The following KBTBD2 variants were observed in gnomAD, a reference collection of about 807,000 sequenced individuals.
The protein encoded by KBTBD2 is kelch repeat and BTB domain containing 2.
Under a neutral mutation model 57.1 loss-of-function variants are expected in KBTBD2, and 17 were observed. The ratio of observed to expected loss-of-function variants is 0.30; its 90% CI spans 0.20 to 0.45. The LOEUF (loss-of-function observed/expected upper bound fraction) is 0.45. KBTBD2 is among the 20% of genes least tolerant of loss of function. The probability of loss-of-function intolerance (pLI) is 1.00; values close to 1 mark genes in which losing one functional copy is unlikely to be tolerated. For synonymous variants in KBTBD2, 267 were observed against 262.7 expected, an observed-to-expected ratio of 1.02 and a Z score of -0.16; for missense variants, 515 against 750.6, an observed-to-expected ratio of 0.69 and a Z score of 3.67.
chr7:32,882,748 C>T (rs1039347669), intron 1 of KBTBD2, among the ~76,000 whole-genome samples: 1 of 152,142 alleles, frequency 6.6e-6, no homozygotes, highest in African/African-American at 2.4e-5. Context: ...CTTTGGGAGG[C>T]TGAGGTCGGT....
In KBTBD2 at chr7:32,872,719, T is replaced by C. The variant is rs577765539; in HGVS notation, c.337-1839A>G. On this transcript the variant is annotated intron_variant, in intron 3 of 3. Coordinates refer to ENST00000304056, the MANE Select transcript of KBTBD2 (RefSeq NM_015483.3). ...TAATTCAAAAATTCAAAATCCAAAA[T>C]GCTCCAAAAACTGAAATGTTTTGAG... Among the ~76,000 whole-genome samples the C allele has an allele frequency of 1.0e-3, 158 of 152,246 alleles. 3 individuals are homozygous for C. Among genetic ancestry groups the C allele is most frequent in the Non-Finnish European group, 4.9e-4 (33 of 68,008 alleles).
intron 1 of KBTBD2, among the ~76,000 whole-genome samples, chr7:32,883,569 C>T (rs923530172): frequency 3.3e-5 from 5 of 152,110 alleles, no homozygotes; most frequent in South Asian, 2.1e-4. Flanking sequence ...ACTGATGTGA[C>T]GTATTTTACA....
At chr7:32,877,974 T>C (rs968916808) in intron 2 of KBTBD2, among the ~76,000 whole-genome samples, 3 of 151,770 alleles carry the variant, frequency 2.0e-5, no homozygotes, top group Non-Finnish European at 2.9e-5. Flanking sequence ...TAGCCGGGCA[T>C]GGTGGTGTGT....
At chr7:32,889,472 G>A (rs550670286) in intron 1 of KBTBD2, among the ~76,000 whole-genome samples, 12 of 151,726 alleles carry the variant, frequency 7.9e-5, no homozygotes, top group Non-Finnish European at 1.3e-4. Context: ...CTGGTGGGGC[G>A]CGCCTGTAAT....
chr7:32,869,988 G>T lies in KBTBD2; in HGVS notation c.1229C>A (p.Thr410Lys), dbSNP rs763201871. ...AGCACAAGGTAAAGGGCTTACCATC[G>T]TCCACTCATCTTTCTCAGTGTCGTA... ...ERYDTEKDEW[T>K]MVSPLPCAWQ... Residue 410 changes from threonine (T) to lysine (K), a missense_variant, in exon 4 of 4, where the codon ACG becomes AAG. By Grantham distance (78) the Thr-to-Lys change is moderately conservative. Coordinates refer to ENST00000304056, the MANE Select transcript of KBTBD2 (RefSeq NM_015483.3). 3 of 1,614,024 alleles carry T rather than the reference G, an allele frequency of 1.9e-6. No homozygotes were observed. The highest frequency in any genetic ancestry group is 1.7e-6 in the Non-Finnish European group (2 of 1,180,010).
chr7:32,891,634 C>T lies in KBTBD2; in HGVS notation c.-437G>A, dbSNP rs530124466. ...GGCGGCGGGGGCGTGGCCCTCCCGC[C>T]GCGGCCTCGCCTGGGGTCTCGCCTC... On this transcript the variant is annotated 5_prime_UTR_variant, in exon 1 of 4. Transcript: ENST00000304056. 2 of 150,334 alleles carry T rather than the reference C, an allele frequency of 1.3e-5. No individual in the cohort carries two copies. The highest frequency in any genetic ancestry group is 2.0e-4 in the East Asian group (1 of 4,952). 9.3% of individuals were successfully genotyped at this position (150,334 alleles called of 1,614,324 possible).
In KBTBD2 at chr7:32,879,961, C is replaced by T. The variant is rs757190029; in HGVS notation, c.-338-19G>A. On this transcript the variant is annotated intron_variant, in intron 1 of 3. Transcript: ENST00000304056. ...GGAGTAACTAAAAAGAAAAAAAGTT[C>T]AGTTGTAGTATCTAGGCCAGTACGG... is the stretch of plus-strand genomic sequence containing the variant. The T allele has an allele frequency of 4.6e-5, 9 of 195,844 alleles. No homozygotes were observed. The highest frequency in any genetic ancestry group is 8.2e-5 in the Non-Finnish European group (8 of 97,088). The allele number at this position is 195,844 out of a possible 1,614,324, so 12.1% of individuals were successfully genotyped here.
chr7:32,871,264 ATTG>A lies in KBTBD2; in HGVS notation c.337-387_337-385del, dbSNP rs533381748. ...AATAAATCATAGTATAGAGAAAATT[ATTG>A]TTGTTGAATAACTGGATTCTGGTTT... On this transcript the variant is annotated intron_variant, in intron 3 of 3. Transcript: ENST00000304056. Among the ~76,000 whole-genome samples the A allele has an allele frequency of 4.0e-3, 603 of 152,348 alleles. 7 individuals are homozygous for A. The highest frequency in any genetic ancestry group is 0.017 in the Middle Eastern group (5 of 294).
At chr7:32,888,104 T>C (rs1210058405) in intron 1 of KBTBD2, among the ~76,000 whole-genome samples, 1 of 152,236 alleles carries the variant, frequency 6.6e-6, no homozygotes, top group Admixed American at 6.5e-5. Context: ...GTCTAAATGG[T>C]ATTTTACATA....
chr7:32,876,044 G>A (rs1277449783), intron 2 of KBTBD2, among the ~76,000 whole-genome samples: 2 of 152,080 alleles, frequency 1.3e-5, no homozygotes, highest in Non-Finnish European at 2.9e-5. Context: ...TCTCAATAAA[G>A]CTGTTAAAAA....
At position 32,879,710 on chromosome 7, in the gene KBTBD2, T is replaced by C. The variant is rs1784401989; in HGVS notation, c.-106A>G. ...ATAAAGGAGAACCTACTTGCTGTTA[T>C]CTGCAGCATTCAGTACCAAGACTGA... On this transcript the variant is annotated 5_prime_UTR_variant, in exon 2 of 4. Coordinates refer to ENST00000304056, the MANE Select transcript of KBTBD2 (RefSeq NM_015483.3). The C allele has an allele frequency of 1.2e-6, 1 of 842,374 alleles. No homozygotes were observed. Among genetic ancestry groups the C allele is most frequent in the Non-Finnish European group, 1.9e-6 (1 of 527,490 alleles). The allele number at this position is 842,374 out of a possible 1,614,324, so 52.2% of individuals were successfully genotyped here. A position where few individuals can be genotyped will look rare whatever the true frequency, so the allele number is the denominator to read the frequency against.
intron 2 of KBTBD2, among the ~76,000 whole-genome samples, chr7:32,876,176 A>G (rs951302494): frequency 2.6e-5 from 4 of 152,212 alleles, no homozygotes; most frequent in African/African-American, 9.6e-5. Flanking sequence ...GAATGCCCAT[A>G]TATAGGTAAG....
Position 32,879,749 on chromosome 7 carries a change from G to A in KBTBD2, c.-145C>T. The A allele has an allele frequency of 1.6e-6, 1 of 642,240 alleles. No homozygotes were observed. Among genetic ancestry groups the A allele is most frequent in the Non-Finnish European group, 2.7e-6 (1 of 368,214 alleles). The allele number at this position is 642,240 out of a possible 1,614,324, so 39.8% of individuals were successfully genotyped here. A position where few individuals can be genotyped will look rare whatever the true frequency, so the allele number is the denominator to read the frequency against. The stretch of plus-strand genomic sequence containing the variant: ...TACCAAGACTGACACATTCACTAAT[G>A]AGTAATATCTTGTTACACAGACTTA... On this transcript the variant is annotated 5_prime_UTR_variant, in exon 2 of 4. Coordinates refer to ENST00000304056, the MANE Select transcript of KBTBD2 (RefSeq NM_015483.3).
rs1411920726 is a variant in KBTBD2 at position 32,868,385 on chromosome 7, C to T, written c.*960G>A. The T allele has an allele frequency of 6.6e-6, 1 of 152,504 alleles. No individual in the cohort carries two copies. The highest frequency in any genetic ancestry group is 1.5e-5 in the Non-Finnish European group (1 of 68,038). The allele number at this position is 152,504 out of a possible 1,614,324, so 9.4% of individuals were successfully genotyped here. A position where few individuals can be genotyped will look rare whatever the true frequency, so the allele number is the denominator to read the frequency against. ...ACAGCTAGTGCAGAGAATTCCTGAA[C>T]AGTTCACCTTACTAATCCTAACCCC... On this transcript the variant is annotated 3_prime_UTR_variant, in exon 4 of 4. Transcript: ENST00000304056.
Position 32,868,258 on chromosome 7 carries a change from TG to T in KBTBD2, c.*1086del, listed in dbSNP as rs1364651544. ...TGCAGTTGAACATGCTAGTAATGTT[TG>T]TCATGAAGCACCTGTGCTCATGTTA... On this transcript the variant is annotated 3_prime_UTR_variant, in exon 4 of 4. Transcript: ENST00000304056. 1.3e-5 allele frequency: 2 copies of T among 152,594 alleles called. No homozygotes were observed. The allele number at this position is 152,594 out of a possible 1,614,324, so 9.5% of individuals were successfully genotyped here. A position where few individuals can be genotyped will look rare whatever the true frequency, so the allele number is the denominator to read the frequency against.
rs553126425 is a variant in KBTBD2 at position 32,880,347 on chromosome 7, C to T, written c.-338-405G>A. 3.9e-5 allele frequency among the ~76,000 whole-genome samples: 6 copies of T among 152,082 alleles called. No homozygotes were observed. The South Asian group carries it at 1.2e-3, about 32-fold the overall frequency. ...TTAAAAAAACAAAAAACCTGCTCTCCTACACAGAGATTTCTCGTTCTCCGA... is the reference window on the plus strand; with the variant it reads ...TTAAAAAAACAAAAAACCTGCTCTCTTACACAGAGATTTCTCGTTCTCCGA... On this transcript the variant is annotated intron_variant, in intron 1 of 3. Coordinates refer to ENST00000304056, the MANE Select transcript of KBTBD2 (RefSeq NM_015483.3).
chr7:32,885,124 C>T (rs1784545773), intron 1 of KBTBD2, among the ~76,000 whole-genome samples: 2 of 151,266 alleles, frequency 1.3e-5, no homozygotes, highest in South Asian at 2.1e-4. Context: ...GATCCACTTG[C>T]CTTGGCCTCC....
chr7:32,891,552 G>A lies in KBTBD2; in HGVS notation c.-355C>T, dbSNP rs1426135905. 1 of 150,868 alleles carries A rather than the reference G, an allele frequency of 6.6e-6. No individual in the cohort carries two copies. The highest frequency in any genetic ancestry group is 1.5e-5 in the Non-Finnish European group (1 of 67,700). 9.3% of individuals were successfully genotyped at this position (150,868 alleles called of 1,614,324 possible). A position where few individuals can be genotyped will look rare whatever the true frequency, so the allele number is the denominator to read the frequency against. On this transcript the variant is annotated 5_prime_UTR_variant, in exon 1 of 4. Transcript: ENST00000304056. Reference sequence around the variant, plus strand: ...CCTGCTCACCCGCGTCCCTCGGTCCGGAGGTGTGGGATCCGCTCCAGCCGG... The same window carrying A: ...CCTGCTCACCCGCGTCCCTCGGTCCAGAGGTGTGGGATCCGCTCCAGCCGG...
chr7:32,869,251 A>AGTAC lies in KBTBD2; in HGVS notation c.*93_*94insGTAC. On this transcript the variant is annotated 3_prime_UTR_variant, in exon 4 of 4. Transcript: ENST00000304056. The stretch of plus-strand genomic sequence containing the variant: ...TAAAATTTATCAAAGATAGAATTTT[A>AGTAC]TGTACTCATATTTAGTTCTTTCATA... The AGTAC allele has an allele frequency of 1.2e-6, 1 of 832,362 alleles. No individual in the cohort carries two copies. The highest frequency in any genetic ancestry group is 1.8e-5 in the South Asian group (1 of 55,368). 51.6% of individuals were successfully genotyped at this position (832,362 alleles called of 1,614,324 possible).
Sources: gnomAD v4.1 joint callset for allele counts (sites outside exome capture counted in the v4.1 genomes callset) on GRCh38, gnomAD v4.1.1 for gene constraint, MANE v1.5 for transcripts, NCBI Gene and HGNC (gene_info 2026-07-23, HGNC 2026-07-21) for gene names.